The following KIF26B variants were observed in gnomAD, a reference collection of about 807,000 sequenced individuals.
KIF26B encodes the protein kinesin-like protein KIF26B.
KIF26B carries 63 observed loss-of-function variants against 151.2 expected under a neutral mutation model. The ratio of observed to expected loss-of-function variants is 0.42; its 90% CI spans 0.34 to 0.51. KIF26B has a LOEUF of 0.51. Ranked by LOEUF, KIF26B falls within the 20% of genes least tolerant of loss-of-function variation. KIF26B has a pLI of 0.07. For missense variants in KIF26B, 2,813 were observed against 2,913.6 expected, an observed-to-expected ratio of 0.97 and a Z score of 0.79; for synonymous variants, 1,357 against 1,262.1, an observed-to-expected ratio of 1.08 and a Z score of -1.59.
chr1:245,580,882 T>G (rs1485770258), intron 5 of KIF26B, among the ~76,000 whole-genome samples: 1 of 152,240 alleles, frequency 6.6e-6, no homozygotes, highest in Admixed American at 6.5e-5. Flanking sequence ...CATGCTGTCA[T>G]AATGGATGGA....
rs987356289 is a variant in KIF26B at position 245,315,948 on chromosome 1, A to G, written c.466-50886A>G. On this transcript the variant is annotated intron_variant, in intron 2 of 14. Transcript: ENST00000407071. The stretch of plus-strand genomic sequence containing the variant: ...GCCACAATAAAAATAAATTTCTATT[A>G]AAGTACATATCATTAATTCCACAAA... Among the ~76,000 whole-genome samples, 6 of 152,282 alleles carry G rather than the reference A, an allele frequency of 3.9e-5. No homozygotes were observed. In the East Asian group the frequency reaches 9.7e-4, roughly 24 times the overall value.
chr1:245,577,397 T>G (rs2043128782), intron 5 of KIF26B, among the ~76,000 whole-genome samples: 1 of 152,200 alleles, frequency 6.6e-6, no homozygotes, highest in African/African-American at 2.4e-5. Flanking sequence ...CTTTCCAGGT[T>G]GGGCAACAGA....
rs781320978 is a variant in KIF26B at position 245,685,850 on chromosome 1, C to T, written c.2867C>T (p.Pro956Leu). ...PFEELPAQFG[P>L]EQASRGPRLS... ...GAAGAACTGCCTGCTCAGTTTGGGC[C>T]AGAGCAGGCAAGCAGAGGCCCCCGG... Residue 956 changes from proline to leucine, a missense_variant, in exon 12 of 15, where the codon CCA becomes CTA. Pro to Leu is a moderately conservative substitution (Grantham distance 98, BLOSUM62 -3). Transcript: ENST00000407071. 2.0e-5 allele frequency: 33 copies of T among 1,612,486 alleles called. No homozygotes were observed. Among genetic ancestry groups the T allele is most frequent in the Non-Finnish European group, 2.6e-5 (31 of 1,179,760 alleles).
rs575691748 is a variant in KIF26B, at chr1:245,409,768, G to A, written c.1000-9811G>A. 5.1e-4 allele frequency among the ~76,000 whole-genome samples: 78 copies of A among 152,292 alleles called. 2 individuals carry two copies. In the South Asian group the frequency reaches 0.016, roughly 31 times the overall value. On this transcript the variant is annotated intron_variant, in intron 3 of 14. Transcript: ENST00000407071. ...AGAGGAGTTTATCTGTCTGACTCAAGGCCAGCCTCAGAGTCTCAGAGGTGA... is the reference window on the plus strand; with the variant it reads ...AGAGGAGTTTATCTGTCTGACTCAAAGCCAGCCTCAGAGTCTCAGAGGTGA...
At chr1:245,384,541 C>T (rs1056573377) in intron 3 of KIF26B, among the ~76,000 whole-genome samples, 9 of 152,204 alleles carry the variant, frequency 5.9e-5, no homozygotes, top group African/African-American at 2.2e-4. Context: ...CCCACTTTGA[C>T]CTCCCACAGT....
At chr1:245,454,621 C>A (rs1424813842) in intron 4 of KIF26B, among the ~76,000 whole-genome samples, 1 of 152,168 alleles carries the variant, frequency 6.6e-6, no homozygotes, top group African/African-American at 2.4e-5. Flanking sequence ...CATTTGAAAG[C>A]ACTTTGTCAG....
intron 12 of KIF26B, among the ~76,000 whole-genome samples, chr1:245,692,027 A>T (rs1342154670): frequency 1.3e-5 from 2 of 152,218 alleles, no homozygotes; most frequent in African/African-American, 4.8e-5. Context: ...AAACGAGAAG[A>T]TTGATAGGTA....
At chr1:245,522,106 T>C (rs530238256) in intron 4 of KIF26B, among the ~76,000 whole-genome samples, 2 of 152,244 alleles carry the variant, frequency 1.3e-5, no homozygotes, top group South Asian at 2.1e-4. Flanking sequence ...CCTGACCTCA[T>C]GATCTGCCCG....
chr1:245,189,282 A>G (rs138610860), intron 2 of KIF26B, among the ~76,000 whole-genome samples: 5 of 152,348 alleles, frequency 3.3e-5, no homozygotes, highest in African/African-American at 1.2e-4. Context: ...GAAATATGAT[A>G]TAATAAATCT....
intron 10 of KIF26B, among the ~76,000 whole-genome samples, chr1:245,665,331 G>C (rs75081691): frequency 0.049 from 7,389 of 152,230 alleles, 553 homozygotes; most frequent in African/African-American, 0.16. Flanking sequence ...TTCCAAAACT[G>C]GAGTACTTTT....
At chr1:245,593,654 T>C (rs2043312428) in intron 5 of KIF26B, among the ~76,000 whole-genome samples, 3 of 152,308 alleles carry the variant, frequency 2.0e-5, no homozygotes, top group South Asian at 4.1e-4. Context: ...GTCTTTATAG[T>C]AGAATGATTT....
intron 2 of KIF26B, among the ~76,000 whole-genome samples, chr1:245,208,629 A>G (rs1446445427): frequency 6.6e-6 from 1 of 152,094 alleles, no homozygotes; most frequent in Non-Finnish European, 1.5e-5. Context: ...AGAAAACGAG[A>G]CTTCTTTGCC....
intron 12 of KIF26B, among the ~76,000 whole-genome samples, chr1:245,689,341 G>A (rs2147959860): frequency 6.6e-6 from 1 of 152,274 alleles, no homozygotes; most frequent in Non-Finnish European, 1.5e-5. Context: ...CTCCTGTGAG[G>A]TTGGTGGCCT....
At chr1:245,607,582 C>T (rs2043469783) in intron 6 of KIF26B, 69 bp from the exon 7 acceptor site, 1 of 1,315,620 alleles carries the variant, frequency 7.6e-7, no homozygotes, top group African/African-American at 1.4e-5. Flanking sequence ...GGTGGGCTCA[C>T]TTTCGTTGTT....
intron 4 of KIF26B, among the ~76,000 whole-genome samples, chr1:245,515,399 C>T (rs1204173188): frequency 2.0e-5 from 3 of 152,288 alleles, no homozygotes; most frequent in South Asian, 2.1e-4. Flanking sequence ...GCTCTGCCTT[C>T]GGTGTCAAGA....
chr1:245,373,663 T>C (rs908129799), intron 3 of KIF26B, among the ~76,000 whole-genome samples: 5 of 152,204 alleles, frequency 3.3e-5, no homozygotes, highest in African/African-American at 1.2e-4. Context: ...TGAGAGGTAA[T>C]GCTGGACTGA....
At chr1:245,481,863 T>C (rs375344414) in intron 4 of KIF26B, among the ~76,000 whole-genome samples, 1 of 151,782 alleles carries the variant, frequency 6.6e-6, no homozygotes, top group East Asian at 1.9e-4. Context: ...AGTCCTTGGT[T>C]GGACCTGACA....
intron 2 of KIF26B, chr1:245,282,756 G>A (rs7519075): frequency 0.081 from 13,894 of 172,240 alleles, 752 homozygotes; most frequent in African/African-American, 0.15. Flanking sequence ...TCTCTATACA[G>A]GGGAGCTTCT....
chr1:245,247,859 C>G (rs1007689316), intron 2 of KIF26B, among the ~76,000 whole-genome samples: 1 of 152,214 alleles, frequency 6.6e-6, no homozygotes, highest in Non-Finnish European at 1.5e-5. Flanking sequence ...CTGCAGAAAT[C>G]CTGGCCATTT....
Sources: gnomAD v4.1 joint callset for allele counts (sites outside exome capture counted in the v4.1 genomes callset) on GRCh38, gnomAD v4.1.1 for gene constraint, MANE v1.5 for transcripts, NCBI Gene and HGNC (gene_info 2026-07-23, HGNC 2026-07-21) for gene names.